The following SV2C variants were observed in gnomAD, a reference collection of about 807,000 sequenced individuals.
SV2C encodes the protein synaptic vesicle glycoprotein 2C.
In SV2C, 49 loss-of-function variants were observed where a neutral mutation model predicts 79.7. The ratio of observed to expected loss-of-function variants is 0.61; its 90% CI spans 0.49 to 0.78. SV2C has a LOEUF of 0.78. SV2C is among the 30% of genes least tolerant of loss of function. The pLI is 0.00. For missense variants in SV2C, 833 were observed against 912.9 expected, an observed-to-expected ratio of 0.91 and a Z score of 1.13; for synonymous variants, 334 against 333.2, an observed-to-expected ratio of 1.00 and a Z score of -0.03.
intron 1 of SV2C, among the ~76,000 whole-genome samples, chr5:76,097,438 C>T (rs1747603311): frequency 6.6e-6 from 1 of 152,158 alleles, no homozygotes; most frequent in South Asian, 2.1e-4. Context: ...CCAATAAGCA[C>T]ACCTGTATTT....
the SV2C span, among the ~76,000 whole-genome samples, chr5:75,874,757 C>T: frequency 6.6e-6 from 1 of 152,026 alleles, no homozygotes; most frequent in African/African-American, 2.4e-5. Context: ...TTCCCATACA[C>T]CAAAAACAGC....
At chr5:75,938,472 G>C in the SV2C span, among the ~76,000 whole-genome samples, 1 of 152,032 alleles carries the variant, frequency 6.6e-6, no homozygotes, top group Non-Finnish European at 1.5e-5. Flanking sequence ...CTGGCAATGG[G>C]GTTTTACAAA....
At chr5:75,877,142 G>A in the SV2C span, among the ~76,000 whole-genome samples, 3 of 151,946 alleles carry the variant, frequency 2.0e-5, no homozygotes, top group African/African-American at 7.2e-5. Context: ...AGCTGGAGTG[G>A]CTATACTGAT....
chr5:75,923,790 C>T, the SV2C span, among the ~76,000 whole-genome samples: 1 of 152,138 alleles, frequency 6.6e-6, no homozygotes, highest in Admixed American at 6.5e-5. Context: ...AAAAAGGGCA[C>T]ACTTTTTACA....
chr5:76,297,981 C>T (rs921113655), intron 9 of SV2C, among the ~76,000 whole-genome samples: 1 of 152,100 alleles, frequency 6.6e-6, no homozygotes, highest in Admixed American at 6.6e-5. Flanking sequence ...TCTGTGTCTG[C>T]TGGGAGTCCT....
At chr5:76,242,221 G>C in intron 4 of SV2C, 2 of 978,544 alleles carry the variant, frequency 2.0e-6, no homozygotes, top group Middle Eastern at 2.1e-4. Context: ...ACAACCTCGC[G>C]GATCTTCTCT....
chr5:75,966,867 A>G, the SV2C span, among the ~76,000 whole-genome samples: 1 of 152,176 alleles, frequency 6.6e-6, no homozygotes. Flanking sequence ...ATTGTATGGT[A>G]GAAAAAGCAC....
intron 4 of SV2C, among the ~76,000 whole-genome samples, chr5:76,237,781 G>A (rs1433279304): frequency 6.6e-6 from 1 of 152,050 alleles, no homozygotes; most frequent in African/African-American, 2.4e-5. Context: ...CAGCATTGTT[G>A]ATAAATCTGA....
intron 4 of SV2C, among the ~76,000 whole-genome samples, chr5:76,228,286 A>G (rs969255106): frequency 6.6e-6 from 1 of 152,222 alleles, no homozygotes; most frequent in African/African-American, 2.4e-5. Flanking sequence ...AAAGCCTGTC[A>G]GCATGATAAT....
intron 2 of SV2C, among the ~76,000 whole-genome samples, chr5:76,180,043 G>C (rs78769550): frequency 0.02 from 3,087 of 152,236 alleles, 49 homozygotes; most frequent in African/African-American, 0.03. Context: ...TGTGATCTTT[G>C]AGTTCATTTT....
chr5:75,939,525 A>AT, the SV2C span, among the ~76,000 whole-genome samples: 1 of 151,884 alleles, frequency 6.6e-6, no homozygotes, highest in Non-Finnish European at 1.5e-5. Flanking sequence ...CAAAATATGA[A>AT]TTTTTTTGCG....
the SV2C span, among the ~76,000 whole-genome samples, chr5:75,991,649 T>G: frequency 8.0e-5 from 12 of 149,426 alleles, no homozygotes; most frequent in Non-Finnish European, 1.5e-4. Flanking sequence ...TAGATATATA[T>G]TTGCAAAACC....
intron 4 of SV2C, among the ~76,000 whole-genome samples, chr5:76,259,688 A>T (rs1476145141): frequency 4.6e-5 from 7 of 151,658 alleles, no homozygotes; most frequent in Non-Finnish European, 7.4e-5. Flanking sequence ...TATGAGTGAG[A>T]ACATGCCGTA....
chr5:76,270,838 A>G lies in SV2C; in HGVS notation c.914-14324A>G, dbSNP rs535326933. ...GGGTAGGGTGCAGTGGTGCGATCTC[A>G]GCTCACTGCAGTCTCTGCCTCCCGG... On this transcript the variant is annotated intron_variant, in intron 4 of 12. Coordinates refer to ENST00000502798, the MANE Select transcript of SV2C (RefSeq NM_014979.4). Among the ~76,000 whole-genome samples the G allele has an allele frequency of 9.9e-5, 15 of 151,592 alleles. No homozygotes were observed. In the South Asian group the frequency reaches 3.1e-3, roughly 32 times the overall value.
chr5:75,958,240 C>T, the SV2C span, among the ~76,000 whole-genome samples: 1 of 151,912 alleles, frequency 6.6e-6, no homozygotes, highest in Non-Finnish European at 1.5e-5. Flanking sequence ...GACTATGTGA[C>T]CAGAGATGCT....
intron 4 of SV2C, among the ~76,000 whole-genome samples, chr5:76,267,427 G>T (rs905564965): frequency 6.6e-6 from 1 of 152,146 alleles, no homozygotes; most frequent in East Asian, 1.9e-4. Context: ...ACAATATGAT[G>T]ATTTTTTTCA....
intron 4 of SV2C, among the ~76,000 whole-genome samples, chr5:76,257,622 T>A (rs1746327774): frequency 6.6e-6 from 1 of 150,932 alleles, no homozygotes; most frequent in African/African-American, 2.4e-5. Context: ...GATGGTAGTG[T>A]GTGTGGGTGT....
intron 4 of SV2C, among the ~76,000 whole-genome samples, chr5:76,265,144 C>A (rs558144615): frequency 6.6e-6 from 1 of 152,336 alleles, no homozygotes; most frequent in East Asian, 1.9e-4. Flanking sequence ...TTCAGAGATG[C>A]CCTGCCCAGA....
chr5:76,153,462 C>A (rs1742623550), intron 2 of SV2C, among the ~76,000 whole-genome samples: 1 of 152,144 alleles, frequency 6.6e-6, no homozygotes, highest in Non-Finnish European at 1.5e-5. Flanking sequence ...TTTTGTGACT[C>A]AAATTGCCTT....
Sources: gnomAD v4.1 joint callset for allele counts (sites outside exome capture counted in the v4.1 genomes callset) on GRCh38, gnomAD v4.1.1 for gene constraint, MANE v1.5 for transcripts, NCBI Gene and HGNC (gene_info 2026-07-23, HGNC 2026-07-21) for gene names.